Variants in ZXDB observed in about 807,000 individuals in gnomAD.
The protein encoded by ZXDB is zinc finger X-linked duplicated B.
For synonymous variants in ZXDB, 273 were observed against 314.3 expected, an observed-to-expected ratio of 0.87 and a Z score of 1.39; for missense variants, 413 against 679.1, an observed-to-expected ratio of 0.61 and a Z score of 4.36.
In ZXDB at chrX:57,594,342, C is replaced by T; in HGVS notation, c.2294C>T (p.Ser765Phe). The T allele has an allele frequency of 1.7e-6, 2 of 1,212,009 alleles. No individual in the cohort carries two copies. The highest frequency in any genetic ancestry group is 2.2e-6 in the Non-Finnish European group (2 of 895,581). The change falls in exon 1 of 1, where the codon TCT becomes TTT. Residue 765 changes from serine (S) to phenylalanine (F), a missense_variant. Coordinates refer to ENST00000374888, the MANE Select transcript of ZXDB (RefSeq NM_007157.4). The part of the protein sequence containing the change: ...TKAEWNVHPD[S>F]DFFGQEGETQ... ...GCGGAGTGGAACGTACATCCTGACTCTGACTTCTTTGGACAGGAGGGAGAA... is the reference window on the plus strand; with the variant it reads ...GCGGAGTGGAACGTACATCCTGACTTTGACTTCTTTGGACAGGAGGGAGAA...
Position 57,592,841 on chromosome X carries a change from G to A in ZXDB, c.793G>A (p.Gly265Ser), listed in dbSNP as rs1423499272. The stretch of plus-strand genomic sequence containing the variant: ...GGGCCCCCGCGGACCGCTGGGCTCC[G>A]GCCCAGGCGTGGTGCTGTACTTGTG... The part of the protein sequence containing the change: ...ALGPRGPLGS[G>S]PGVVLYLCPE... The change falls in exon 1 of 1, where the codon GGC becomes AGC. Residue 265 changes from glycine (G) to serine (S), a missense_variant. Gly to Ser is a moderately conservative substitution (Grantham distance 56). Transcript: ENST00000374888. The A allele has an allele frequency of 8.6e-6, 10 of 1,163,450 alleles. No individual in the cohort carries two copies. Among genetic ancestry groups the A allele is most frequent in the Admixed American group, 7.9e-5 (3 of 37,739 alleles).
Position 57,592,422 on chromosome X carries a change from C to G in ZXDB, c.374C>G (p.Pro125Arg). Reference sequence around the variant, plus strand: ...TTGAGGGAGGAGGCCGAGGAGGGCCCGGGGCTCCAGGGGGGCGAGAGCGGC... The same window carrying G: ...TTGAGGGAGGAGGCCGAGGAGGGCCGGGGGCTCCAGGGGGGCGAGAGCGGC... ...PVLREEAEEGPGLQGGESGAN... is the reference protein window; with the variant it reads ...PVLREEAEEGRGLQGGESGAN... Residue 125 changes from proline to arginine, a missense_variant, in exon 1 of 1, where the codon CCG (proline) becomes CGG (arginine). Transcript: ENST00000374888. 1 of 1,164,666 alleles carries G rather than the reference C, an allele frequency of 8.6e-7. No individual in the cohort carries two copies. The highest frequency in any genetic ancestry group is 1.1e-6 in the Non-Finnish European group (1 of 876,685).
At position 57,596,466 on chromosome X, in the gene ZXDB, CGTT is replaced by C. The variant is rs1326664500; in HGVS notation, c.*2010_*2012del. The C allele has an allele frequency of 8.1e-6, 1 of 123,567 alleles. No individual in the cohort carries two copies. Among genetic ancestry groups the C allele is most frequent in the Non-Finnish European group, 1.9e-5 (1 of 53,285 alleles). 10.2% of individuals were successfully genotyped at this position (123,567 alleles called of 1,213,427 possible). A position where few individuals can be genotyped will look rare whatever the true frequency, so the allele number is the denominator to read the frequency against. On this transcript the variant is annotated 3_prime_UTR_variant, in exon 1 of 1. Transcript: ENST00000374888. Reference sequence around the variant, plus strand: ...GGGAACATCTTCACAATTTGTGTCTCGTTGTTCAGAACAACCCTGTGAAGTAGT... The same window carrying C: ...GGGAACATCTTCACAATTTGTGTCTCGTTCAGAACAACCCTGTGAAGTAGT...
chrX:57,596,323 T>C lies in ZXDB; in HGVS notation c.*1863T>C, dbSNP rs1313373566. The C allele has an allele frequency of 1.6e-5, 2 of 123,523 alleles. No homozygotes were observed. The highest frequency in any genetic ancestry group is 3.8e-5 in the Non-Finnish European group (2 of 53,265). The allele number at this position is 123,523 out of a possible 1,213,427, so 10.2% of individuals were successfully genotyped here. A position where few individuals can be genotyped will look rare whatever the true frequency, so the allele number is the denominator to read the frequency against. ...ATGGAGCAGTGGAGGTTTTTTTCTTTCTGTGCTCTGTAGATCTCATTGTTT... is the reference window on the plus strand; with the variant it reads ...ATGGAGCAGTGGAGGTTTTTTTCTTCCTGTGCTCTGTAGATCTCATTGTTT... On this transcript the variant is annotated 3_prime_UTR_variant, in exon 1 of 1. Coordinates refer to ENST00000374888, the MANE Select transcript of ZXDB (RefSeq NM_007157.4).
At position 57,596,535 on chromosome X, in the gene ZXDB, C is replaced by G. The variant is rs1000336991; in HGVS notation, c.*2075C>G. On this transcript the variant is annotated 3_prime_UTR_variant, in exon 1 of 1. Coordinates refer to ENST00000374888, the MANE Select transcript of ZXDB (RefSeq NM_007157.4). Reference sequence around the variant, plus strand: ...GTTACATTTCATGTAATTTAGCCAACTCCCATTCCAACTAGGCTTTGGCTA... The same window carrying G: ...GTTACATTTCATGTAATTTAGCCAAGTCCCATTCCAACTAGGCTTTGGCTA... 1 of 123,426 alleles carries G rather than the reference C, an allele frequency of 8.1e-6. No homozygotes were observed. The highest frequency in any genetic ancestry group is 3.2e-5 in the African/African-American group (1 of 30,863). 10.2% of individuals were successfully genotyped at this position (123,426 alleles called of 1,213,427 possible). A position where few individuals can be genotyped will look rare whatever the true frequency, so the allele number is the denominator to read the frequency against.
rs149096436 is a variant in ZXDB at position 57,596,784 on chromosome X, A to G, written c.*2324A>G. 22 of 122,212 alleles carry G rather than the reference A, an allele frequency of 1.8e-4. No individual in the cohort carries two copies. Among genetic ancestry groups the G allele is most frequent in the Admixed American group, 5.8e-4 (6 of 10,420 alleles). The allele number at this position is 122,212 out of a possible 1,213,427, so 10.1% of individuals were successfully genotyped here. ...CTTTCTGTCCTCTTTTATAATGGAT[A>G]TATCTTTTTCCTGCCATTATCCCTC... On this transcript the variant is annotated 3_prime_UTR_variant, in exon 1 of 1. Transcript: ENST00000374888.
Position 57,592,048 on chromosome X carries a change from G to A in ZXDB, c.-1G>A, listed in dbSNP as rs1312049135. 2 of 1,030,797 alleles carry A rather than the reference G, an allele frequency of 1.9e-6. No homozygotes were observed. The highest frequency in any genetic ancestry group is 1.1e-4 in the Admixed American group (2 of 18,020). 84.9% of individuals were successfully genotyped at this position (1,030,797 alleles called of 1,213,427 possible). On this transcript the variant is annotated 5_prime_UTR_variant, in exon 1 of 1. Transcript: ENST00000374888. Reference sequence around the variant, plus strand: ...TCCAGCCGAGCCTCTCGGACGCAGAGATGGAAATCCCGAAGCTGCTCCCGG... The same window carrying A: ...TCCAGCCGAGCCTCTCGGACGCAGAAATGGAAATCCCGAAGCTGCTCCCGG...
chrX:57,595,757 T>G lies in ZXDB; in HGVS notation c.*1297T>G, dbSNP rs1405241370. ...TTTGTGGAAATTGCCAGCCAGGACTTTGACATGAAACAGACCCAGGGCTAA... is the reference window on the plus strand; with the variant it reads ...TTTGTGGAAATTGCCAGCCAGGACTGTGACATGAAACAGACCCAGGGCTAA... On this transcript the variant is annotated 3_prime_UTR_variant, in exon 1 of 1. Transcript: ENST00000374888. 8.1e-6 allele frequency: 1 copy of G among 123,579 alleles called. No homozygotes were observed. The highest frequency in any genetic ancestry group is 3.2e-5 in the African/African-American group (1 of 30,924). The allele number at this position is 123,579 out of a possible 1,213,427, so 10.2% of individuals were successfully genotyped here.
In ZXDB at chrX:57,596,226, C is replaced by G. The variant is rs2057910432; in HGVS notation, c.*1766C>G. 1 of 123,269 alleles carries G rather than the reference C, an allele frequency of 8.1e-6. No individual in the cohort carries two copies. The highest frequency in any genetic ancestry group is 1.9e-5 in the Non-Finnish European group (1 of 53,238). 10.2% of individuals were successfully genotyped at this position (123,269 alleles called of 1,213,427 possible). ...ATCTCTCCATTCGATCAGTTTGTCA[C>G]CATCTTTGCTCTGTTTTGAAAGTCA... On this transcript the variant is annotated 3_prime_UTR_variant, in exon 1 of 1. Coordinates refer to ENST00000374888, the MANE Select transcript of ZXDB (RefSeq NM_007157.4).
Position 57,592,784 on chromosome X carries a change from G to C in ZXDB, c.736G>C (p.Glu246Gln), listed in dbSNP as rs962075321. 35 of 1,149,306 alleles carry C rather than the reference G, an allele frequency of 3.0e-5. No homozygotes were observed. Among genetic ancestry groups the C allele is most frequent in the Middle Eastern group, 6.6e-4 (2 of 3,047 alleles). 94.7% of individuals were successfully genotyped at this position (1,149,306 alleles called of 1,213,427 possible). A position where few individuals can be genotyped will look rare whatever the true frequency, so the allele number is the denominator to read the frequency against. ...PAEPAPAPAP[E>Q]EEAEGPAAAL... ...CGAACCCGCGCCAGCTCCGGCGCCT[G>C]AGGAGGAGGCGGAGGGCCCGGCCGC... Residue 246 changes from glutamate to glutamine, a missense_variant, in exon 1 of 1, where the codon GAG (glutamate) becomes CAG (glutamine). Coordinates refer to ENST00000374888, the MANE Select transcript of ZXDB (RefSeq NM_007157.4).
In ZXDB at chrX:57,592,765, C is replaced by A; in HGVS notation, c.717C>A (p.Pro239=). The A allele has an allele frequency of 1.7e-6, 2 of 1,153,131 alleles. No individual in the cohort carries two copies. The highest frequency in any genetic ancestry group is 2.3e-6 in the Non-Finnish European group (2 of 869,655). ...PDLLLAEPAE[P]APAPAPEEEA... ...TCCTGCTAGCTGAGCCGGCCGAACCCGCGCCAGCTCCGGCGCCTGAGGAGG... is the reference window on the plus strand; with the variant it reads ...TCCTGCTAGCTGAGCCGGCCGAACCAGCGCCAGCTCCGGCGCCTGAGGAGG... The change falls in exon 1 of 1, where the codon CCC becomes CCA. Residue 239 remains proline, a synonymous_variant. Transcript: ENST00000374888.
At position 57,592,616 on chromosome X, in the gene ZXDB, C is replaced by A; in HGVS notation, c.568C>A (p.Pro190Thr). 5 of 1,195,895 alleles carry A rather than the reference C, an allele frequency of 4.2e-6. No individual in the cohort carries two copies. The highest frequency in any genetic ancestry group is 5.6e-6 in the Non-Finnish European group (5 of 889,440). ...FENGVLTLAT[P>T]PPHAWEPGAA... ...GAACGGCGTCCTCACCCTGGCCACG[C>A]CCCCACCACACGCCTGGGAGCCAGG... The change falls in exon 1 of 1, where the codon CCC (proline) becomes ACC (threonine). Residue 190 changes from proline to threonine, a missense_variant. Coordinates refer to ENST00000374888, the MANE Select transcript of ZXDB (RefSeq NM_007157.4).
rs1389887274 is a variant in ZXDB, at chrX:57,595,434, G to A, written c.*974G>A. The stretch of plus-strand genomic sequence containing the variant: ...GGCTTTTGGCATGAATGTTTCATAG[G>A]TTATGTTGTGTTCATTTAGTAGGTG... On this transcript the variant is annotated 3_prime_UTR_variant, in exon 1 of 1. Transcript: ENST00000374888. The A allele has an allele frequency of 8.2e-6, 1 of 122,685 alleles. No individual in the cohort carries two copies. The highest frequency in any genetic ancestry group is 1.9e-5 in the Non-Finnish European group (1 of 53,210). 10.1% of individuals were successfully genotyped at this position (122,685 alleles called of 1,213,427 possible).
rs2057910776 is a variant in ZXDB, at chrX:57,596,397, GT to G, written c.*1938del. ...AAAGGAAAGATTGAACTGGAATATT[GT>G]GTAAACTATCTGTCTTACATTAGTG... On this transcript the variant is annotated 3_prime_UTR_variant, in exon 1 of 1. Transcript: ENST00000374888. 1 of 123,207 alleles carries G rather than the reference GT, an allele frequency of 8.1e-6. No individual in the cohort carries two copies. The highest frequency in any genetic ancestry group is 3.3e-5 in the African/African-American group (1 of 30,765). The allele number at this position is 123,207 out of a possible 1,213,427, so 10.2% of individuals were successfully genotyped here. A position where few individuals can be genotyped will look rare whatever the true frequency, so the allele number is the denominator to read the frequency against.
Position 57,592,255 on chromosome X carries a change from T to C in ZXDB, c.207T>C (p.Pro69=), listed in dbSNP as rs1200066256. The change falls in exon 1 of 1, where the codon CCT becomes CCC. Residue 69 remains proline (P), a synonymous_variant. Transcript: ENST00000374888. ...REEASTASRG[P]GPSLLAPRTD... is the part of the protein sequence containing the mutation. Reference sequence around the variant, plus strand: ...AGGCCAGCACGGCATCACGGGGCCCTGGCCCAAGCCTGTTGGCGCCGAGGA... The same window carrying C: ...AGGCCAGCACGGCATCACGGGGCCCCGGCCCAAGCCTGTTGGCGCCGAGGA... 1 of 1,167,506 alleles carries C rather than the reference T, an allele frequency of 8.6e-7. No individual in the cohort carries two copies. Among genetic ancestry groups the C allele is most frequent in the South Asian group, 1.9e-5 (1 of 53,036 alleles).
In ZXDB at chrX:57,592,536, C is replaced by G. The variant is rs750275833; in HGVS notation, c.488C>G (p.Ala163Gly). 85 of 1,185,969 alleles carry G rather than the reference C, an allele frequency of 7.2e-5. No individual in the cohort carries two copies. The highest frequency in any genetic ancestry group is 8.7e-5 in the Non-Finnish European group (77 of 884,378). ...CCGATCTCCGCCCCCGGCCCCGCCG[C>G]GGCCTTCGCGGGCACAGTCACTATC... The part of the protein sequence containing the change: ...PAPISAPGPA[A>G]AFAGTVTIHN... The change falls in exon 1 of 1, where the codon GCG becomes GGG. Residue 163 changes from alanine (A) to glycine (G), a missense_variant. Coordinates refer to ENST00000374888, the MANE Select transcript of ZXDB (RefSeq NM_007157.4).
chrX:57,594,764 T>C lies in ZXDB; in HGVS notation c.*304T>C. On this transcript the variant is annotated 3_prime_UTR_variant, in exon 1 of 1. Coordinates refer to ENST00000374888, the MANE Select transcript of ZXDB (RefSeq NM_007157.4). ...ATTCCTTGATAATACATTTCTTTCC[T>C]TGAAAAATATGAGGACGTTTTTCAG... 1 of 222,439 alleles carries C rather than the reference T, an allele frequency of 4.5e-6. No individual in the cohort carries two copies. The highest frequency in any genetic ancestry group is 9.1e-5 in the East Asian group (1 of 10,944). The allele number at this position is 222,439 out of a possible 1,213,427, so 18.3% of individuals were successfully genotyped here. A position where few individuals can be genotyped will look rare whatever the true frequency, so the allele number is the denominator to read the frequency against.
rs750114140 is a variant in ZXDB, at chrX:57,592,707, A to C, written c.659A>C (p.His220Pro). Residue 220 changes from histidine to proline, a missense_variant, in exon 1 of 1, where the codon CAC (histidine) becomes CCC (proline). His to Pro is a moderately conservative substitution (Grantham distance 77). Coordinates refer to ENST00000374888, the MANE Select transcript of ZXDB (RefSeq NM_007157.4). Reference protein sequence around the residue: ...APQAGFPHAAHPGDCPELPPD... With the variant: ...APQAGFPHAAPPGDCPELPPD... ...CAAGCTGGGTTCCCGCATGCCGCGC[A>C]CCCGGGTGACTGCCCAGAGCTGCCG... The C allele has an allele frequency of 7.7e-6, 9 of 1,175,092 alleles. No homozygotes were observed. The African/African-American group carries it at 1.3e-4, about 17-fold the overall frequency.
In ZXDB at chrX:57,592,537, G is replaced by A. The variant is rs368481815; in HGVS notation, c.489G>A (p.Ala163=). ...CGATCTCCGCCCCCGGCCCCGCCGC[G>A]GCCTTCGCGGGCACAGTCACTATCC... is the stretch of plus-strand genomic sequence containing the variant. ...PAPISAPGPA[A]AFAGTVTIHN... The change falls in exon 1 of 1, where the codon GCG becomes GCA. Residue 163 remains alanine (A), a synonymous_variant. Coordinates refer to ENST00000374888, the MANE Select transcript of ZXDB (RefSeq NM_007157.4). The A allele has an allele frequency of 6.8e-4, 802 of 1,184,790 alleles. 3 individuals carry two copies. In the African/African-American group the frequency reaches 0.013, roughly 19 times the overall value.
Sources: allele counts gnomAD v4.1 joint callset, GRCh38; gene constraint gnomAD v4.1.1; transcripts MANE v1.5; gene names NCBI Gene and HGNC (gene_info 2026-07-23, HGNC 2026-07-21).